Variants in CPHXL2 observed in about 807,000 individuals in gnomAD.
CPHXL2 encodes cytoplasmic polyadenylated homeobox like 2.
the CPHXL2 span, among the ~76,000 whole-genome samples, chr16:75,670,541 C>A: frequency 6.6e-6 from 1 of 152,184 alleles, no homozygotes; most frequent in Non-Finnish European, 1.5e-5. Flanking sequence ...GATGGAGTCT[C>A]ACTGTCGCCG....
At chr16:75,673,075 CAAAAAA>C in the CPHXL2 span, among the ~76,000 whole-genome samples, 2 of 73,186 alleles carry the variant, frequency 2.7e-5, no homozygotes, top group African/African-American at 1.1e-4. Context: ...GACCTTGTCT[CAAAAAA>C]AAAAAAAAAA....
chr16:75,671,829 A>G, the CPHXL2 span, among the ~76,000 whole-genome samples: 11 of 152,362 alleles, frequency 7.2e-5, no homozygotes, highest in Non-Finnish European at 1.3e-4. Context: ...AGTGTGACTG[A>G]AAAAGAGAGA....
the CPHXL2 span, chr16:75,661,214 C>T: frequency 3.3e-3 from 1,317 of 400,726 alleles, 19 homozygotes; most frequent in South Asian, 4.0e-3. Flanking sequence ...GTCTTTCTTC[C>T]GGTGGAAGTC....
the CPHXL2 span, among the ~76,000 whole-genome samples, chr16:75,662,372 A>G: frequency 1.4e-5 from 2 of 141,938 alleles, no homozygotes; most frequent in Non-Finnish European, 3.0e-5. Context: ...TTCATTGCAC[A>G]GGCATGATTG....
At chr16:75,660,828 T>C in the CPHXL2 span, 3 of 398,502 alleles carry the variant, frequency 7.5e-6, no homozygotes, top group Non-Finnish European at 8.8e-6. Context: ...AGTAGAATGC[T>C]CACTTCCTGT....
chr16:75,661,278 C>A, the CPHXL2 span: 3 of 400,622 alleles, frequency 7.5e-6, no homozygotes, highest in South Asian at 3.8e-4. Context: ...ATTGTATTAT[C>A]AAATCTACTT....
the CPHXL2 span, among the ~76,000 whole-genome samples, chr16:75,671,180 C>A: frequency 1.3e-5 from 2 of 151,174 alleles, no homozygotes; most frequent in Non-Finnish European, 2.9e-5. Flanking sequence ...GTCAGGAGTT[C>A]GAGGATAGCC....
the CPHXL2 span, among the ~76,000 whole-genome samples, chr16:75,673,030 G>A: frequency 7.2e-6 from 1 of 138,538 alleles, no homozygotes; most frequent in Non-Finnish European, 1.5e-5. Context: ...AGCCGTGCAC[G>A]TGCCACTGCA....
the CPHXL2 span, chr16:75,660,348 C>A: frequency 1.0e-5 from 4 of 398,474 alleles, no homozygotes; most frequent in Non-Finnish European, 1.8e-5. Context: ...TCCTGAGTTG[C>A]TTGAAGCCCC....
chr16:75,676,902 AG>A, the CPHXL2 span: 2 of 398,554 alleles, frequency 5.0e-6, no homozygotes, highest in South Asian at 2.5e-4. Flanking sequence ...ATAAGGTAAA[AG>A]TTGAAACCCT....
chr16:75,674,834 T>A, the CPHXL2 span, among the ~76,000 whole-genome samples: 1 of 151,430 alleles, frequency 6.6e-6, no homozygotes. Flanking sequence ...CTCAGATTCC[T>A]GAATAGCTGG....
the CPHXL2 span, chr16:75,660,347 G>T: frequency 2.5e-6 from 1 of 398,550 alleles, no homozygotes. Flanking sequence ...GTCCTGAGTT[G>T]CTTGAAGCCC....
chr16:75,673,465 T>A, the CPHXL2 span, among the ~76,000 whole-genome samples: 3 of 150,984 alleles, frequency 2.0e-5, no homozygotes, highest in Non-Finnish European at 3.0e-5. Context: ...AAAAAAAAAA[T>A]TAAAAAAAAA....
chr16:75,675,442 G>T, the CPHXL2 span, among the ~76,000 whole-genome samples: 5 of 151,996 alleles, frequency 3.3e-5, no homozygotes, highest in African/African-American at 7.3e-5. Context: ...TTCAACAAAG[G>T]TGTCAAAATA....
chr16:75,662,191 T>C, the CPHXL2 span, among the ~76,000 whole-genome samples: 1 of 152,102 alleles, frequency 6.6e-6, no homozygotes, highest in South Asian at 2.1e-4. Context: ...ACAAAGGATA[T>C]AGATTCATAG....
chr16:75,668,272 A>C, the CPHXL2 span, among the ~76,000 whole-genome samples: 1 of 146,512 alleles, frequency 6.8e-6, no homozygotes, highest in African/African-American at 2.6e-5. Flanking sequence ...TCTGTCACCC[A>C]GGCTGGAGTG....
At chr16:75,669,296 A>G in the CPHXL2 span, 1 of 390,678 alleles carries the variant, frequency 2.6e-6, no homozygotes, top group African/African-American at 2.3e-5. Flanking sequence ...AGACTGGGCG[A>G]CTGGAGTGAG....
At chr16:75,660,627 A>C in the CPHXL2 span, 1 of 398,514 alleles carries the variant, frequency 2.5e-6, no homozygotes, top group Non-Finnish European at 4.4e-6. Flanking sequence ...CTGTTCTTGC[A>C]GCAGTGAGAG....
chr16:75,671,330 C>T, the CPHXL2 span, among the ~76,000 whole-genome samples: 1 of 147,096 alleles, frequency 6.8e-6, no homozygotes, highest in Non-Finnish European at 1.5e-5. Flanking sequence ...ACACTCTACT[C>T]CAGCCTGAGT....
Sources: allele counts gnomAD v4.1 joint callset (sites outside exome capture counted in the v4.1 genomes callset), GRCh38; gene constraint gnomAD v4.1.1; transcripts MANE v1.5; gene names NCBI Gene and HGNC (gene_info 2026-07-23, HGNC 2026-07-21).